Variants in ZNF710 observed in about 807,000 individuals in gnomAD.
The protein encoded by ZNF710 is zinc finger protein 710.
Under a neutral mutation model 50.6 loss-of-function variants are expected in ZNF710, and 13 were observed. The ratio of observed to expected loss-of-function variants is 0.26; its 90% CI spans 0.17 to 0.41. The LOEUF (loss-of-function observed/expected upper bound fraction) is 0.41, where lower values mean the gene tolerates loss of function less well. Ranked by LOEUF, ZNF710 falls within the 10% of genes least tolerant of loss-of-function variation. ZNF710 has a pLI of 1.00. For missense variants in ZNF710, 721 were observed against 936.6 expected (o/e 0.77, Z 3.01); for synonymous variants, 383 against 397.0 (o/e 0.96, Z 0.42).
At chr15:90,042,320 G>C (rs1025997899) in intron 1 of ZNF710, among the ~76,000 whole-genome samples, 1 of 152,060 alleles carries the variant, frequency 6.6e-6, no homozygotes, top group African/African-American at 2.4e-5. Flanking sequence ...GGAAAGGAAG[G>C]GTTTTCTTTC....
At chr15:90,045,044 TTGCTCAGG>T (rs966528799) in intron 1 of ZNF710, among the ~76,000 whole-genome samples, 3 of 152,138 alleles carry the variant, frequency 2.0e-5, no homozygotes, top group African/African-American at 7.2e-5. Flanking sequence ...CTACAAAACC[TTGCTCAGG>T]TGTCACCTCC....
In ZNF710 at chr15:90,052,849, C is replaced by T. The variant is rs150723961; in HGVS notation, c.-28-14261C>T. On this transcript the variant is annotated intron_variant, in intron 1 of 4. Coordinates refer to ENST00000268154, the MANE Select transcript of ZNF710 (RefSeq NM_198526.4). Reference sequence around the variant, plus strand: ...TTGGGAGGCTGAGGCAGGGGAATCGCTTGAACCGGGGAGGCGGAGGTTGCG... The same window carrying T: ...TTGGGAGGCTGAGGCAGGGGAATCGTTTGAACCGGGGAGGCGGAGGTTGCG... Among the ~76,000 whole-genome samples the T allele has an allele frequency of 2.9e-3, 441 of 152,336 alleles. 3 individuals are homozygous for T. Among genetic ancestry groups the T allele is most frequent in the African/African-American group, 0.01 (429 of 41,576 alleles).
chr15:90,010,937 T>G (rs935592440), intron 1 of ZNF710, among the ~76,000 whole-genome samples: 24 of 144,916 alleles, frequency 1.7e-4, no homozygotes, highest in African/African-American at 4.8e-4. Flanking sequence ...TGTTTTTTTT[T>G]TTTTTTTTTT....
At chr15:90,002,722 C>T (rs1327330978) in intron 1 of ZNF710, among the ~76,000 whole-genome samples, 1 of 152,224 alleles carries the variant, frequency 6.6e-6, no homozygotes, top group East Asian at 1.9e-4. Flanking sequence ...TTTATGGGCG[C>T]TGCAACTGCT....
intron 1 of ZNF710, among the ~76,000 whole-genome samples, chr15:90,008,441 C>CATATATATATACACATATATATATAT (rs1898202334): frequency 2.4e-5 from 3 of 126,512 alleles, no homozygotes; most frequent in African/African-American, 1.1e-4. Flanking sequence ...TATATATATA[C>CATATATATATACACATATATATATAT]ATATATATAT....
intron 1 of ZNF710, among the ~76,000 whole-genome samples, chr15:90,055,328 A>G (rs906910023): frequency 1.3e-5 from 2 of 152,148 alleles, no homozygotes; most frequent in African/African-American, 4.8e-5. Flanking sequence ...CATTCCAGGT[A>G]GGGGAAAGCA....
chr15:90,058,744 CAGAG>C (rs1899912499), intron 1 of ZNF710, among the ~76,000 whole-genome samples: 3 of 149,286 alleles, frequency 2.0e-5, no homozygotes, highest in South Asian at 2.1e-4. Context: ...CACACGTACA[CAGAG>C]AGGTCTCTTT....
intron 1 of ZNF710, among the ~76,000 whole-genome samples, chr15:90,066,843 C>T (rs1282538351): frequency 6.6e-6 from 1 of 152,118 alleles, no homozygotes; most frequent in African/African-American, 2.4e-5. Flanking sequence ...ATCCCACCTC[C>T]CTGTTGTACA....
In ZNF710 at chr15:90,004,403, C is replaced by T. The variant is rs114666779; in HGVS notation, c.-29+2789C>T. 3.3e-3 allele frequency among the ~76,000 whole-genome samples: 497 copies of T among 152,332 alleles called. 1 individual carries two copies. The highest frequency in any genetic ancestry group is 0.02 in the Middle Eastern group (6 of 294). On this transcript the variant is annotated intron_variant, in intron 1 of 4. Transcript: ENST00000268154. ...AGTGAAGTCAGCTCCCTGGCCCCAC[C>T]AGTGCTGATGCTTGGCGCAGGCTCA...
At position 90,059,629 on chromosome 15, in the gene ZNF710, G is replaced by T. The variant is rs1899939749; in HGVS notation, c.-28-7481G>T. 6.6e-6 allele frequency among the ~76,000 whole-genome samples: 1 copy of T among 152,182 alleles called. No homozygotes were observed. The highest frequency in any genetic ancestry group is 1.5e-5 in the Non-Finnish European group (1 of 68,028). On this transcript the variant is annotated intron_variant, in intron 1 of 4. Transcript: ENST00000268154. The surrounding 1 kb of genome is among the most constrained non-coding windows in gnomAD (Gnocchi z 4.1). ...AGGAAGAGACTCTCGAACTTCCCCT[G>T]CCCCTCCCCCGTGCCGGCGGCAGCT...
chr15:90,013,744 T>G (rs1179433885), intron 1 of ZNF710, among the ~76,000 whole-genome samples: 9 of 152,188 alleles, frequency 5.9e-5, no homozygotes, highest in Non-Finnish European at 1.5e-5. Context: ...GCCAAATGCC[T>G]TCTCTCGATT....
At chr15:90,036,948 A>C (rs557313369) in intron 1 of ZNF710, among the ~76,000 whole-genome samples, 1 of 152,322 alleles carries the variant, frequency 6.6e-6, no homozygotes, top group African/African-American at 2.4e-5. Context: ...CACTTCAAGC[A>C]CATTTCAAAG....
intron 1 of ZNF710, among the ~76,000 whole-genome samples, chr15:90,046,190 A>G (rs1482420027): frequency 6.6e-6 from 1 of 152,202 alleles, no homozygotes; most frequent in African/African-American, 2.4e-5. Flanking sequence ...GTGTGCTGGC[A>G]CAAGCCATCA....
rs530102600 is a variant in ZNF710 at position 90,008,409 on chromosome 15, CGTGTGT to C, written c.-29+6808_-29+6813del. 1.3e-3 allele frequency among the ~76,000 whole-genome samples: 170 copies of C among 130,132 alleles called. 1 individual carries two copies. The highest frequency in any genetic ancestry group is 5.5e-3 in the African/African-American group (165 of 30,050). 85.4% of individuals were successfully genotyped at this position (130,132 alleles called of 152,430 possible). A position where few individuals can be genotyped will look rare whatever the true frequency, so the allele number is the denominator to read the frequency against. On this transcript the variant is annotated intron_variant, in intron 1 of 4. Transcript: ENST00000268154. ...TATGTGTATATATGTATATAGTATACGTGTGTGTGTGTGTGTGTATATATATATATA... is the reference window on the plus strand; with the variant it reads ...TATGTGTATATATGTATATAGTATACGTGTGTGTGTGTATATATATATATA...
Position 90,067,448 on chromosome 15 carries a change from G to A in ZNF710, c.311G>A (p.Arg104Gln), listed in dbSNP as rs756728444. The A allele has an allele frequency of 5.0e-6, 8 of 1,610,774 alleles. No homozygotes were observed. Among genetic ancestry groups the A allele is most frequent in the African/African-American group, 2.7e-5 (2 of 74,876 alleles). ...HTRRKTRPPVRLVPKVKFEKV... is the reference protein window; with the variant it reads ...HTRRKTRPPVQLVPKVKFEKV... ...CGGCGGAAGACGCGGCCACCTGTGC[G>A]GTTGGTGCCCAAGGTCAAGTTCGAG... The change falls in exon 2 of 5, where the codon CGG (arginine) becomes CAG (glutamine). Residue 104 changes from arginine to glutamine, a missense_variant. Around this residue, in one of 3 missense-constraint regions of ZNF710, gnomAD observed 326 missense variants for 347.1 expected, o/e 0.94. Transcript: ENST00000268154. The surrounding 1 kb of genome is among the most constrained non-coding windows in gnomAD (Gnocchi z 8.1).
intron 4 of ZNF710, among the ~76,000 whole-genome samples, chr15:90,077,270 G>A (rs2151540973): frequency 8.1e-6 from 1 of 123,520 alleles, no homozygotes; most frequent in African/African-American, 3.1e-5. Context: ...TTGAGACGGA[G>A]TCTTGCTCTT....
chr15:90,070,516 A>T (rs1900342645), intron 2 of ZNF710, among the ~76,000 whole-genome samples: 1 of 151,850 alleles, frequency 6.6e-6, no homozygotes, highest in Non-Finnish European at 1.5e-5. Context: ...TACTAAAAAT[A>T]TTTTTTAAAA....
intron 1 of ZNF710, among the ~76,000 whole-genome samples, chr15:90,042,222 C>T (rs77901311): frequency 3.3e-5 from 5 of 151,876 alleles, no homozygotes; most frequent in Non-Finnish European, 5.9e-5. Flanking sequence ...ATTTTCCATG[C>T]CCCCCCTTCT....
At chr15:90,065,683 G>A (rs1046135179) in intron 1 of ZNF710, among the ~76,000 whole-genome samples, 3 of 152,198 alleles carry the variant, frequency 2.0e-5, no homozygotes, top group Non-Finnish European at 4.4e-5. Flanking sequence ...AGCCCCCAGC[G>A]AGGGAAGAGG....
Sources: allele counts gnomAD v4.1 joint callset (sites outside exome capture counted in the v4.1 genomes callset), GRCh38; gene constraint gnomAD v4.1.1; regional missense constraint gnomAD v4.1.1; non-coding constraint Gnocchi (gnomAD v3.1); transcripts MANE v1.5; gene names NCBI Gene and HGNC (gene_info 2026-07-23, HGNC 2026-07-21).